ZFC3H1: variants seen among roughly 807,000 people sequenced by gnomAD.
The protein encoded by ZFC3H1 is zinc finger C3H1 domain-containing protein.
A neutral mutation model predicts 243.7 loss-of-function variants in ZFC3H1; 71 were observed. The ratio of observed to expected loss-of-function variants is 0.29; its 90% CI spans 0.24 to 0.36. The LOEUF is 0.36. Among genes scored for constraint, ZFC3H1 ranks in the 10% least tolerant of loss-of-function variants. The probability of loss-of-function intolerance (pLI) is 1.00; values close to 1 mark genes in which losing one functional copy is unlikely to be tolerated. For synonymous variants in ZFC3H1, 838 were observed against 813.0 expected (o/e 1.03, Z -0.52); for missense variants, 1,966 against 2,317.1 (o/e 0.85, Z 3.11).
chr12:71,655,451 A>C lies in ZFC3H1; in HGVS notation c.1015+1434T>G, dbSNP rs552333933. On this transcript the variant is annotated intron_variant, in intron 2 of 34. Transcript: ENST00000378743. The stretch of plus-strand genomic sequence containing the variant: ...GGCTGAAAACTGAGTTTAAAAACTT[A>C]TGTACTTATTTCAGGGTAAATTAAA... Among the ~76,000 whole-genome samples, 379 of 152,236 alleles carry C rather than the reference A, an allele frequency of 2.5e-3. 5 individuals are homozygous for C. The highest frequency in any genetic ancestry group is 6.8e-3 in the Middle Eastern group (2 of 294).
chr12:71,622,566 G>C (rs1005849113), intron 24 of ZFC3H1, among the ~76,000 whole-genome samples: 1 of 151,934 alleles, frequency 6.6e-6, no homozygotes, highest in Non-Finnish European at 1.5e-5. Flanking sequence ...GGGCTCAAGC[G>C]ATTCTCATGC....
chr12:71,663,644 C>T lies in ZFC3H1; in HGVS notation c.-34G>A, dbSNP rs188281467. 56 of 1,585,144 alleles carry T rather than the reference C, an allele frequency of 3.5e-5. No individual in the cohort carries two copies. In the African/African-American group the frequency reaches 6.2e-4, roughly 17 times the overall value. On this transcript the variant is annotated 5_prime_UTR_variant, in exon 1 of 35. Coordinates refer to ENST00000378743, the MANE Select transcript of ZFC3H1 (RefSeq NM_144982.5). ...CAGCGCCTTCCACACAACCTTAGCC[C>T]TCCGTCCGGGGATCCGCCCGACAAT...
intron 30 of ZFC3H1, 160 bp from the exon 31 acceptor site, chr12:71,613,595 T>G: frequency 2.0e-6 from 1 of 501,738 alleles, no homozygotes. Context: ...ATTAATTTTA[T>G]TAGTGACTTT....
At chr12:71,611,945 G>A (rs1028720246) in intron 31 of ZFC3H1, 58 bp from the exon 32 acceptor site, 2 of 1,022,704 alleles carry the variant, frequency 2.0e-6, no homozygotes, top group Non-Finnish European at 3.0e-6. Flanking sequence ...AACCCCAAAT[G>A]TGCTCTATGA....
Position 71,611,102 on chromosome 12 carries a change from G to GAT in ZFC3H1, c.5730-6_5730-5insAT. On this transcript the variant is annotated splice_polypyrimidine_tract_variant and splice_region_variant and intron_variant, in intron 32 of 34. Transcript: ENST00000378743. ...ACAATCTCAGCAGCAATGGCTCTAA[G>GAT]AGAAAAAAAAAAAAAAAGAAATATA... 3.2e-5 allele frequency: 35 copies of GAT among 1,110,930 alleles called. No individual in the cohort carries two copies. The highest frequency in any genetic ancestry group is 3.6e-5 in the Non-Finnish European group (31 of 852,194). 68.8% of individuals were successfully genotyped at this position (1,110,930 alleles called of 1,614,324 possible). A position where few individuals can be genotyped will look rare whatever the true frequency, so the allele number is the denominator to read the frequency against.
At position 71,613,455 on chromosome 12, in the gene ZFC3H1, C is replaced by A. The variant is rs764597008; in HGVS notation, c.5527-20G>T. 3.9e-6 allele frequency: 6 copies of A among 1,534,772 alleles called. No homozygotes were observed. The highest frequency in any genetic ancestry group is 4.4e-6 in the Non-Finnish European group (5 of 1,131,362). ...AATAACCTGTAAAGGTTGAGGGGGG[C>A]GAAAAATGAATGCAACCAAAATGTG... On this transcript the variant is annotated intron_variant, in intron 30 of 34. Transcript: ENST00000378743.
In ZFC3H1 at chr12:71,630,581, ATAGGAAGTCTT is replaced by A. The variant is rs1446114576; in HGVS notation, c.3724+8_3724+18del. ...AAATTCAATTTTCATTTGGGAGAGA[ATAGGAAGTCTT>A]TAAAAACCTGCTGAAGCAGTAATTT... On this transcript the variant is annotated splice_region_variant and intron_variant, in intron 18 of 34. Transcript: ENST00000378743. 1.3e-6 allele frequency: 2 copies of A among 1,595,258 alleles called. No individual in the cohort carries two copies. The highest frequency in any genetic ancestry group is 1.7e-6 in the Non-Finnish European group (2 of 1,174,976).
chr12:71,662,862 G>A (rs756394359), intron 1 of ZFC3H1, 151 bp downstream of exon 1: 2 of 795,898 alleles, frequency 2.5e-6, no homozygotes, highest in East Asian at 2.5e-5. Context: ...TGACACATGG[G>A]GAATTACCAA....
At position 71,613,339 on chromosome 12, in the gene ZFC3H1, A is replaced by G. The variant is rs751677382; in HGVS notation, c.5623T>C (p.Leu1875=). The G allele has an allele frequency of 5.0e-6, 8 of 1,608,666 alleles. No individual in the cohort carries two copies. The highest frequency in any genetic ancestry group is 6.8e-6 in the Non-Finnish European group (8 of 1,176,708). The change falls in exon 31 of 35, where the codon TTG becomes CTG. Residue 1875 remains leucine, a synonymous_variant. Transcript: ENST00000378743. ...AGAATGTTAAGTTTTTCTTACCTCA[A>G]TGCAAGTCCAGAATTAGCTGGCATA... ...SVMPANSGLA[L]RLLQHEWEES... is the part of the protein sequence containing the mutation.
In ZFC3H1 at chr12:71,636,664, GA is replaced by G; in HGVS notation, c.1936-11del. Reference sequence around the variant, plus strand: ...TATTACTGGATGTTTCCTACATAAGGAAGAGAAAGACATTAAACATTCCTAA... The same window carrying G: ...TATTACTGGATGTTTCCTACATAAGGAGAGAAAGACATTAAACATTCCTAA... On this transcript the variant is annotated splice_polypyrimidine_tract_variant and intron_variant, in intron 8 of 34. Transcript: ENST00000378743. The G allele has an allele frequency of 6.3e-7, 1 of 1,597,290 alleles. No individual in the cohort carries two copies. Among genetic ancestry groups the G allele is most frequent in the Non-Finnish European group, 8.5e-7 (1 of 1,175,610 alleles).
chr12:71,643,672 G>A (rs760059858), intron 5 of ZFC3H1, among the ~76,000 whole-genome samples: 10 of 151,946 alleles, frequency 6.6e-5, no homozygotes, highest in Admixed American at 1.3e-4. Flanking sequence ...ATACAAAATA[G>A]CCACATGCAC....
In ZFC3H1 at chr12:71,627,768, G is replaced by A; in HGVS notation, c.4113C>T (p.Tyr1371=). 1 of 1,611,430 alleles carries A rather than the reference G, an allele frequency of 6.2e-7. No individual in the cohort carries two copies. Among genetic ancestry groups the A allele is most frequent in the Non-Finnish European group, 8.5e-7 (1 of 1,178,988 alleles). The part of the protein sequence containing the change: ...VQLWLKLAYK[Y]LNQNEGECSE... ...TGACCTACCCCTCATTTTGATTCAA[G>A]TACTTGTACGCAAGCTTGAGCCAAA... is the stretch of plus-strand genomic sequence containing the variant. Residue 1371 remains tyrosine (Y), a synonymous_variant, in exon 21 of 35, where the codon TAC becomes TAT. Coordinates refer to ENST00000378743, the MANE Select transcript of ZFC3H1 (RefSeq NM_144982.5).
chr12:71,662,621 A>G (rs1219725419), intron 1 of ZFC3H1, among the ~76,000 whole-genome samples: 2 of 152,206 alleles, frequency 1.3e-5, no homozygotes, highest in African/African-American at 4.8e-5. Flanking sequence ...AATATGATAA[A>G]GCAACAATAT....
chr12:71,638,449 G>C lies in ZFC3H1; in HGVS notation c.1694C>G (p.Ser565Cys). 6.2e-7 allele frequency: 1 copy of C among 1,613,162 alleles called. No homozygotes were observed. The highest frequency in any genetic ancestry group is 8.5e-7 in the Non-Finnish European group (1 of 1,179,662). ...CSLGYFSPAP[S>C]LSLPPPPQVS... ...CTGAGGTGGTGGAGGCAAAGAAAGA[G>C]ATGGTGCTGGAGAAAAATACCCCAA... is the stretch of plus-strand genomic sequence containing the variant. Residue 565 changes from serine (S) to cysteine (C), a missense_variant, in exon 7 of 35, where the codon TCT becomes TGT. By Grantham distance (112) the Ser-to-Cys change is moderately radical. This residue lies in a region of ZFC3H1 where 1,383 missense variants were observed against 1,723.7 expected (regional missense o/e 0.80). Transcript: ENST00000378743.
At chr12:71,632,853 T>C in intron 14 of ZFC3H1, 33 bp downstream of exon 14, 1 of 1,599,066 alleles carries the variant, frequency 6.3e-7, no homozygotes, top group Non-Finnish European at 8.5e-7. Context: ...CTTTCTGCTT[T>C]CCAAAAGTAA....
At chr12:71,641,019 GA>G (rs1489986916) in intron 6 of ZFC3H1, among the ~76,000 whole-genome samples, 4 of 151,528 alleles carry the variant, frequency 2.6e-5, no homozygotes, top group Non-Finnish European at 5.9e-5. Flanking sequence ...ATCTTGAATG[GA>G]AAAAAATACA....
Position 71,619,365 on chromosome 12 carries a change from T to C in ZFC3H1, c.5094A>G (p.Ala1698=). ...NLLPFLRKFI[A]SFFKPGFEKY... ...TCTCAAACCCCGGTTTAAAGAAGGATGCAATAAATTTCCGCAAAAATGGAA... is the reference window on the plus strand; with the variant it reads ...TCTCAAACCCCGGTTTAAAGAAGGACGCAATAAATTTCCGCAAAAATGGAA... Residue 1698 remains alanine, a synonymous_variant, in exon 27 of 35, where the codon GCA becomes GCG. Transcript: ENST00000378743. 1 of 1,613,778 alleles carries C rather than the reference T, an allele frequency of 6.2e-7. No individual in the cohort carries two copies. Among genetic ancestry groups the C allele is most frequent in the Non-Finnish European group, 8.5e-7 (1 of 1,179,842 alleles).
intron 22 of ZFC3H1, 99 bp from the exon 23 acceptor site, chr12:71,624,391 C>A: frequency 6.4e-6 from 8 of 1,259,306 alleles, no homozygotes; most frequent in South Asian, 3.1e-5. Flanking sequence ...CATAGTAAAT[C>A]TTCAACTTCT....
At position 71,663,586 on chromosome 12, in the gene ZFC3H1, G is replaced by A. The variant is rs1815234972; in HGVS notation, c.25C>T (p.Pro9Ser). Residue 9 changes from proline (P) to serine (S), a missense_variant, in exon 1 of 35, where the codon CCG (proline) becomes TCG (serine). By Grantham distance (74) the Pro-to-Ser change is moderately conservative. Coordinates refer to ENST00000378743, the MANE Select transcript of ZFC3H1 (RefSeq NM_144982.5). ...TTCGGCGAGAGGCCACTGGAGGCCGGGGCCGGAGTATCTGCGGTCGCCATC... is the reference window on the plus strand; with the variant it reads ...TTCGGCGAGAGGCCACTGGAGGCCGAGGCCGGAGTATCTGCGGTCGCCATC... MATADTPAPASSGLSPKEE... is the reference protein window; with the variant it reads MATADTPASASSGLSPKEE... 1.2e-6 allele frequency: 2 copies of A among 1,611,448 alleles called. No individual in the cohort carries two copies. Among genetic ancestry groups the A allele is most frequent in the Non-Finnish European group, 1.7e-6 (2 of 1,179,664 alleles).
Sources: gnomAD v4.1 joint callset for allele counts (sites outside exome capture counted in the v4.1 genomes callset) on GRCh38, gnomAD v4.1.1 for gene constraint, gnomAD v4.1.1 regional missense constraint, MANE v1.5 for transcripts, NCBI Gene and HGNC (gene_info 2026-07-23, HGNC 2026-07-21) for gene names.